The following DENND3 variants were observed in gnomAD, a reference collection of about 807,000 sequenced individuals.
The protein encoded by DENND3 is DENN domain-containing protein 3.
Under a neutral mutation model 135.1 loss-of-function variants are expected in DENND3, and 88 were observed. The observed-to-expected ratio is 0.65, with a 90% confidence interval of 0.55 to 0.78. The LOEUF is 0.78. DENND3 is among the 30% of genes least tolerant of loss of function. The pLI is 0.00. For synonymous variants in DENND3, 693 were observed against 712.3 expected (o/e 0.97, Z 0.43); for missense variants, 1,392 against 1,688.4 (o/e 0.82, Z 3.08).
rs149279953 is a variant in DENND3, at chr8:141,174,497, A to G, written c.2276-703A>G. On this transcript the variant is annotated intron_variant, in intron 13 of 22. Transcript: ENST00000519811. This position sits in a 1 kb window ranked among gnomAD's most constrained non-coding sequence, Gnocchi z 4.6. ...CTTGGGATTTCCGAGGGGTCGTCCC[A>G]TCTCCCGCTGACAGATAAGCAGGTT... Among the ~76,000 whole-genome samples the G allele has an allele frequency of 6.6e-6, 1 of 152,240 alleles. No individual in the cohort carries two copies. The highest frequency in any genetic ancestry group is 2.4e-5 in the African/African-American group (1 of 41,540).
intron 1 of DENND3, among the ~76,000 whole-genome samples, chr8:141,132,414 A>G (rs1000346453): frequency 3.9e-5 from 6 of 152,074 alleles, no homozygotes; most frequent in South Asian, 4.2e-4. Context: ...CTGGAGTACA[A>G]TGGTGCCATC....
At chr8:141,178,546 A>G (rs1222236106) in intron 16 of DENND3, among the ~76,000 whole-genome samples, 1 of 152,188 alleles carries the variant, frequency 6.6e-6, no homozygotes, top group African/African-American at 2.4e-5. Context: ...GAGGTTGTGG[A>G]GCGGCTCCTG....
In DENND3 at chr8:141,167,135, A is replaced by T. The variant is rs11782809; in HGVS notation, c.1753+746A>T. Among the ~76,000 whole-genome samples the T allele has an allele frequency of 6.6e-6, 1 of 151,910 alleles. No individual in the cohort carries two copies. The highest frequency in any genetic ancestry group is 1.5e-5 in the Non-Finnish European group (1 of 67,956). On this transcript the variant is annotated intron_variant, in intron 12 of 22. Transcript: ENST00000519811. The surrounding 1 kb of genome is among the most constrained non-coding windows in gnomAD (Gnocchi z 4.1). Reference sequence around the variant, plus strand: ...CAGGGGCAGTGCGCATGAATGACAGACCACGTTGTCTTTATCGGCTGAGCG... The same window carrying T: ...CAGGGGCAGTGCGCATGAATGACAGTCCACGTTGTCTTTATCGGCTGAGCG...
chr8:141,137,953 A>T lies in DENND3; in HGVS notation c.386-69A>T, dbSNP rs112825453. The T allele has an allele frequency of 6.7e-7, 1 of 1,500,858 alleles. No homozygotes were observed. The highest frequency in any genetic ancestry group is 9.1e-7 in the Non-Finnish European group (1 of 1,103,984). The allele number at this position is 1,500,858 out of a possible 1,614,324, so 93.0% of individuals were successfully genotyped here. On this transcript the variant is annotated intron_variant, in intron 2 of 22. Coordinates refer to ENST00000519811, the MANE Select transcript of DENND3 (RefSeq NM_001352890.3). The surrounding 1 kb of genome is among the most constrained non-coding windows in gnomAD (Gnocchi z 4.1). ...AGGTGTGTCCTAAACACTGTGAAGAAATCAGCTCGTGGGTAACCCAGGCCA... is the reference window on the plus strand; with the variant it reads ...AGGTGTGTCCTAAACACTGTGAAGATATCAGCTCGTGGGTAACCCAGGCCA...
chr8:141,157,272 AGAG>A, intron 8 of DENND3: 1 of 982,956 alleles, frequency 1.0e-6, no homozygotes, highest in Non-Finnish European at 1.2e-6. Flanking sequence ...GGGGAGGGTG[AGAG>A]GAGGTGTAAT....
chr8:141,163,886 C>T (rs1321982638), intron 10 of DENND3, among the ~76,000 whole-genome samples: 4 of 131,818 alleles, frequency 3.0e-5, no homozygotes, highest in East Asian at 2.2e-4. Flanking sequence ...CCAGCCTGGG[C>T]GACAGAGCAA....
chr8:141,173,356 A>G (rs1349707662), intron 13 of DENND3: 1 of 152,204 alleles, frequency 6.6e-6, no homozygotes, highest in African/African-American at 2.4e-5. Flanking sequence ...AGAATAATTC[A>G]TCGGGAATCC....
rs995397308 is a variant in DENND3, at chr8:141,138,898, G to A, written c.501+761G>A. ...CATTTTATTTCTCCGTGTATCCGTC[G>A]ATGGACCTGTGGGTTGTTTCCGCCT... On this transcript the variant is annotated intron_variant, in intron 3 of 22. Coordinates refer to ENST00000519811, the MANE Select transcript of DENND3 (RefSeq NM_001352890.3). This position sits in a 1 kb window ranked among gnomAD's most constrained non-coding sequence, Gnocchi z 4.8. Among the ~76,000 whole-genome samples, 1 of 152,176 alleles carries A rather than the reference G, an allele frequency of 6.6e-6. No individual in the cohort carries two copies. Among genetic ancestry groups the A allele is most frequent in the Non-Finnish European group, 1.5e-5 (1 of 68,040 alleles).
rs758557884 is a variant in DENND3 at position 141,163,381 on chromosome 8, A to G, written c.1401A>G (p.Glu467=). 6.2e-7 allele frequency: 1 copy of G among 1,613,576 alleles called. No individual in the cohort carries two copies. Among genetic ancestry groups the G allele is most frequent in the Non-Finnish European group, 8.5e-7 (1 of 1,179,522 alleles). Residue 467 remains glutamate (E), a synonymous_variant, in exon 10 of 23, where the codon GAA becomes GAG. Coordinates refer to ENST00000519811, the MANE Select transcript of DENND3 (RefSeq NM_001352890.3). ...LNYEHRVFNS[E]EFLKTRAPGD... is the part of the protein sequence containing the mutation. Reference sequence around the variant, plus strand: ...ATGAACACAGAGTCTTTAATAGTGAAGAATTTCTCAAAACCAGGGCTCCAG... The same window carrying G: ...ATGAACACAGAGTCTTTAATAGTGAGGAATTTCTCAAAACCAGGGCTCCAG...
intron 17 of DENND3, among the ~76,000 whole-genome samples, chr8:141,181,430 T>C (rs910225242): frequency 3.3e-5 from 5 of 152,232 alleles, no homozygotes; most frequent in African/African-American, 1.2e-4. Flanking sequence ...CAGATATTTG[T>C]TGTCATAGGA....
At chr8:141,186,843 T>C (rs547686173) in intron 18 of DENND3, among the ~76,000 whole-genome samples, 129 of 152,260 alleles carry the variant, frequency 8.5e-4, no homozygotes, top group African/African-American at 2.8e-3. Context: ...CATCATTTCT[T>C]GGGGATTTTC....
chr8:141,170,899 G>A (rs1821465845), intron 13 of DENND3, among the ~76,000 whole-genome samples: 1 of 152,238 alleles, frequency 6.6e-6, no homozygotes, highest in African/African-American at 2.4e-5. Flanking sequence ...AGCACCGCAA[G>A]AGCAGGGTCC....
intron 4 of DENND3, chr8:141,142,930 C>G: frequency 6.4e-6 from 1 of 155,882 alleles, no homozygotes; most frequent in South Asian, 1.9e-4. Flanking sequence ...GTTTATTCAG[C>G]AACTGACCTT....
At chr8:141,189,365 A>G (rs1309058432) in intron 19 of DENND3, among the ~76,000 whole-genome samples, 1 of 152,226 alleles carries the variant, frequency 6.6e-6, no homozygotes, top group Non-Finnish European at 1.5e-5. Flanking sequence ...GTGGTGATGA[A>G]GGCACCACAC....
At chr8:141,156,769 CTTTATCT>C (rs1453186102) in intron 8 of DENND3, among the ~76,000 whole-genome samples, 1 of 148,424 alleles carries the variant, frequency 6.7e-6, no homozygotes, top group Non-Finnish European at 1.5e-5. Context: ...TGTATTGGCA[CTTTATCT>C]TTTCTTTTTC....
intron 9 of DENND3, among the ~76,000 whole-genome samples, chr8:141,162,850 G>A (rs536927797): frequency 2.1e-4 from 32 of 152,320 alleles, no homozygotes; most frequent in African/African-American, 7.5e-4. Context: ...GGAGGTGGAG[G>A]TTGCAGTGAG....
At position 141,138,862 on chromosome 8, in the gene DENND3, T is replaced by A. The variant is rs1817110569; in HGVS notation, c.501+725T>A. ...TTATGGCGAGTGACATTCCATCGTT[T>A]GGATGGACCACATTTTATTTCTCCG... is the stretch of plus-strand genomic sequence containing the variant. On this transcript the variant is annotated intron_variant, in intron 3 of 22. Transcript: ENST00000519811. The surrounding 1 kb of genome is among the most constrained non-coding windows in gnomAD (Gnocchi z 4.8). 6.6e-6 allele frequency among the ~76,000 whole-genome samples: 1 copy of A among 152,240 alleles called. No individual in the cohort carries two copies. Among genetic ancestry groups the A allele is most frequent in the Non-Finnish European group, 1.5e-5 (1 of 68,038 alleles).
At position 141,151,660 on chromosome 8, in the gene DENND3, C is replaced by T; in HGVS notation, c.897C>T (p.Phe299=). 1 of 1,614,012 alleles carries T rather than the reference C, an allele frequency of 6.2e-7. No homozygotes were observed. Among genetic ancestry groups the T allele is most frequent in the South Asian group, 1.1e-5 (1 of 91,080 alleles). ...CILTEQRIVF[F]SSDWALLTLV... Reference sequence around the variant, plus strand: ...TGACGGAACAGCGGATCGTCTTCTTCTCCTCGGACTGGGCTCTGCTGACGC... The same window carrying T: ...TGACGGAACAGCGGATCGTCTTCTTTTCCTCGGACTGGGCTCTGCTGACGC... Residue 299 remains phenylalanine, a synonymous_variant, in exon 7 of 23, where the codon TTC becomes TTT. Transcript: ENST00000519811.
chr8:141,155,318 A>G (rs770812844), intron 7 of DENND3, among the ~76,000 whole-genome samples: 16 of 152,230 alleles, frequency 1.1e-4, no homozygotes, highest in Admixed American at 8.5e-4. Flanking sequence ...ATATTTAATC[A>G]AATTTAGCCC....
Sources: gnomAD v4.1 joint callset for allele counts (sites outside exome capture counted in the v4.1 genomes callset) on GRCh38, gnomAD v4.1.1 for gene constraint, Gnocchi (gnomAD v3.1) non-coding constraint, MANE v1.5 for transcripts, NCBI Gene and HGNC (gene_info 2026-07-23, HGNC 2026-07-21) for gene names.